ALMS1: variants seen among roughly 807,000 people sequenced by gnomAD.
The protein encoded by ALMS1 is ALMS1 centrosome and basal body associated protein.
ALMS1 carries 271 observed loss-of-function variants against 352.2 expected under a neutral mutation model. The observed-to-expected ratio is 0.77, with a 90% CI of 0.70 to 0.85. The LOEUF is 0.85. Ranked by LOEUF, ALMS1 falls within the 40% of genes least tolerant of loss-of-function variation. ALMS1 has a pLI of 0.00. For synonymous variants in ALMS1, 1,865 were observed against 1,761.2 expected, an observed-to-expected ratio of 1.06 and a Z score of -1.48; for missense variants, 5,445 against 4,870.7, an observed-to-expected ratio of 1.12 and a Z score of -3.51.
At position 73,449,767 on chromosome 2, in the gene ALMS1, T is replaced by C. The variant is rs1459135087; in HGVS notation, c.3240T>C (p.Pro1080=). The C allele has an allele frequency of 6.2e-7, 1 of 1,614,130 alleles. No homozygotes were observed. Among genetic ancestry groups the C allele is most frequent in the Admixed American group, 1.7e-5 (1 of 60,018 alleles). ...PEESLKVSAF[P]GPADQMTDTP... Reference sequence around the variant, plus strand: ...AGAGTCTGAAAGTTTCAGCCTTCCCTGGACCAGCTGACCAGATGACTGACA... The same window carrying C: ...AGAGTCTGAAAGTTTCAGCCTTCCCCGGACCAGCTGACCAGATGACTGACA... Residue 1080 remains proline (P), a synonymous_variant, in exon 8 of 23, where the codon CCT becomes CCC. Coordinates refer to ENST00000613296, the MANE Select transcript of ALMS1 (RefSeq NM_001378454.1).
At chr2:73,545,435 C>G (rs1674293254) in intron 12 of ALMS1, among the ~76,000 whole-genome samples, 1 of 152,140 alleles carries the variant, frequency 6.6e-6, no homozygotes, top group Admixed American at 6.5e-5. Context: ...CCTGCCTCAG[C>G]CTCCCAAAGT....
intron 15 of ALMS1, among the ~76,000 whole-genome samples, chr2:73,568,379 C>G (rs1314810197): frequency 6.6e-6 from 1 of 152,088 alleles, no homozygotes; most frequent in Non-Finnish European, 1.5e-5. Context: ...AACAGATACA[C>G]AGATAAAGTT....
intron 14 of ALMS1, 125 bp from the exon 15 acceptor site, chr2:73,558,847 T>C (rs887403299): frequency 1.9e-6 from 2 of 1,059,666 alleles, no homozygotes; most frequent in African/African-American, 3.2e-5. Context: ...TAAACGCATT[T>C]CTGAGTCATC....
intron 2 of ALMS1, among the ~76,000 whole-genome samples, chr2:73,410,034 C>G (rs1671046298): frequency 1.3e-5 from 2 of 152,296 alleles, no homozygotes; most frequent in Non-Finnish European, 2.9e-5. Flanking sequence ...CAGGCCTACC[C>G]ACATTGGAGA....
At chr2:73,439,844 T>C (rs1416128760) in intron 7 of ALMS1, among the ~76,000 whole-genome samples, 1 of 152,198 alleles carries the variant, frequency 6.6e-6, no homozygotes, top group Non-Finnish European at 1.5e-5. Context: ...ATACAATTTA[T>C]ACCTAAAGTT....
Position 73,432,296 on chromosome 2 carries a change from G to A in ALMS1, c.1432+5G>A, listed in dbSNP as rs755613962. The A allele has an allele frequency of 2.0e-5, 32 of 1,596,236 alleles. No individual in the cohort carries two copies. In the East Asian group the frequency reaches 5.4e-4, roughly 27 times the overall value. ...CTCCTAAACATTTAAAAGCAGGTAC[G>A]TAGAAAAAGGAGATAGTAAATGTCC... On this transcript the variant is annotated splice_donor_5th_base_variant and intron_variant, in intron 7 of 22. Coordinates refer to ENST00000613296, the MANE Select transcript of ALMS1 (RefSeq NM_001378454.1).
Position 73,491,109 on chromosome 2 carries a change from T to G in ALMS1, c.9150T>G (p.Thr3050=). Residue 3050 remains threonine (T), a synonymous_variant, in exon 10 of 23, where the codon ACT becomes ACG. Transcript: ENST00000613296. ...NRKALSCVHI[T]LCPKTSSKLD... ...AAGCACTTTCTTGTGTTCATATAAC[T>G]CTTTGTCCCAAGACTTCTTCCAAGT... 1.9e-6 allele frequency: 3 copies of G among 1,614,202 alleles called. No individual in the cohort carries two copies. The highest frequency in any genetic ancestry group is 2.5e-6 in the Non-Finnish European group (3 of 1,180,024).
chr2:73,593,809 G>A (rs1675483834), intron 16 of ALMS1, among the ~76,000 whole-genome samples: 1 of 152,164 alleles, frequency 6.6e-6, no homozygotes, highest in African/African-American at 2.4e-5. Flanking sequence ...CTATGGATTT[G>A]CCTATTCTGG....
rs187715939 is a variant in ALMS1 at position 73,466,075 on chromosome 2, T to G, written c.7674+10780T>G. ...TTCAACCACTGTGGAAGTCAGTGTG[T>G]CGATTCCTCAGGGATCTAGAACTGG... is the stretch of plus-strand genomic sequence containing the variant. On this transcript the variant is annotated intron_variant, in intron 9 of 22. Coordinates refer to ENST00000613296, the MANE Select transcript of ALMS1 (RefSeq NM_001378454.1). Among the ~76,000 whole-genome samples the G allele has an allele frequency of 9.9e-3, 1,501 of 152,244 alleles. 29 individuals are homozygous for G. The highest frequency in any genetic ancestry group is 0.034 in the African/African-American group (1,407 of 41,546).
intron 10 of ALMS1, among the ~76,000 whole-genome samples, chr2:73,508,101 C>CTCTTT (rs947262935): frequency 6.6e-6 from 1 of 150,442 alleles, no homozygotes. Context: ...GTTTTCTTTT[C>CTCTTT]TCTTTTCTTT....
chr2:73,565,233 A>G (rs189747576), intron 15 of ALMS1, among the ~76,000 whole-genome samples: 51 of 152,332 alleles, frequency 3.3e-4, no homozygotes, highest in African/African-American at 1.1e-3. Context: ...GACAGGAGAT[A>G]TATTAGATGA....
chr2:73,398,683 A>G (rs1670814126), intron 1 of ALMS1, among the ~76,000 whole-genome samples: 1 of 152,084 alleles, frequency 6.6e-6, no homozygotes, highest in Admixed American at 6.6e-5. Context: ...TAAATATTTT[A>G]TTTCTTGGGT....
chr2:73,510,753 TCTG>T (rs1439731702), intron 10 of ALMS1, among the ~76,000 whole-genome samples: 1 of 152,208 alleles, frequency 6.6e-6, no homozygotes, highest in African/African-American at 2.4e-5. Flanking sequence ...TCCTGGGAGA[TCTG>T]CTGCTCTATT....
In ALMS1 at chr2:73,490,201, G is replaced by A; in HGVS notation, c.8242G>A (p.Gly2748Arg). Reference protein sequence around the residue: ...EGSQCTGASVGVFNSHFTEEQ... With the variant: ...EGSQCTGASVRVFNSHFTEEQ... Reference sequence around the variant, plus strand: ...TAGCCAGTGTACTGGAGCATCTGTGGGGGTATTTAATTCTCATTTCACTGA... The same window carrying A: ...TAGCCAGTGTACTGGAGCATCTGTGAGGGTATTTAATTCTCATTTCACTGA... Residue 2748 changes from glycine to arginine, a missense_variant, in exon 10 of 23, where the codon GGG (glycine) becomes AGG (arginine). Gly to Arg is a moderately radical substitution (Grantham distance 125, BLOSUM62 -2). Transcript: ENST00000613296. 1 of 1,614,068 alleles carries A rather than the reference G, an allele frequency of 6.2e-7. No individual in the cohort carries two copies. The highest frequency in any genetic ancestry group is 8.5e-7 in the Non-Finnish European group (1 of 1,180,010).
intron 7 of ALMS1, among the ~76,000 whole-genome samples, chr2:73,443,667 C>A (rs1415640137): frequency 6.6e-6 from 1 of 151,978 alleles, no homozygotes; most frequent in South Asian, 2.1e-4. Flanking sequence ...ATTTTTGCAC[C>A]TGGCTGTGAA....
intron 10 of ALMS1, among the ~76,000 whole-genome samples, chr2:73,499,845 T>G (rs1054420127): frequency 1.3e-5 from 2 of 152,062 alleles, no homozygotes; most frequent in African/African-American, 2.4e-5. Context: ...GAGCTGGTTG[T>G]TTAAAAAAGA....
chr2:73,399,119 G>A (rs967834231), intron 1 of ALMS1, among the ~76,000 whole-genome samples: 1 of 152,164 alleles, frequency 6.6e-6, no homozygotes, highest in African/African-American at 2.4e-5. Flanking sequence ...CCAAAGTGCT[G>A]GGATTACAGG....
rs143960576 is a variant in ALMS1 at position 73,388,345 on chromosome 2, G to T, written c.324+2153G>T. On this transcript the variant is annotated intron_variant, in intron 1 of 22. Transcript: ENST00000613296. ...CATGGATATATTGCATAATGGTGAGGTTTGGGCTTCTAGTGAACCTCTCAC... is the reference window on the plus strand; with the variant it reads ...CATGGATATATTGCATAATGGTGAGTTTTGGGCTTCTAGTGAACCTCTCAC... 2.5e-3 allele frequency among the ~76,000 whole-genome samples: 374 copies of T among 152,272 alleles called. 4 individuals are homozygous for T. Among genetic ancestry groups the T allele is most frequent in the African/African-American group, 8.7e-3 (360 of 41,544 alleles).
In ALMS1 at chr2:73,385,933, AGGAG is replaced by A; in HGVS notation, c.67_70del (p.Glu23ArgfsTer17). 6.4e-6 allele frequency: 7 copies of A among 1,097,528 alleles called. No homozygotes were observed. The highest frequency in any genetic ancestry group is 9.5e-6 in the Non-Finnish European group (7 of 738,596). The allele number at this position is 1,097,528 out of a possible 1,614,324, so 68.0% of individuals were successfully genotyped here. On this transcript the variant is annotated frameshift_variant, in exon 1 of 23. Transcript: ENST00000613296. LOFTEE classifies it high-confidence loss of function. ...GAGGAGGAGGAGGAGGAGGAGGAGG[AGGAG>A]GAGGAAGAGGAGGAGGCTGCAGCGG...
Sources: gnomAD v4.1 joint callset for allele counts (sites outside exome capture counted in the v4.1 genomes callset) on GRCh38, gnomAD v4.1.1 for gene constraint, MANE v1.5 for transcripts, NCBI Gene and HGNC (gene_info 2026-07-23, HGNC 2026-07-21) for gene names.